CCDC120: variants seen among roughly 807,000 people sequenced by gnomAD.
The protein encoded by CCDC120 is coiled-coil domain-containing protein 120.
Under a neutral mutation model 37.6 loss-of-function variants are expected in CCDC120, and 16 were observed. The observed-to-expected ratio is 0.43, with a 90% CI of 0.29 to 0.65. The LOEUF is 0.65. Ranked by LOEUF, CCDC120 falls within the 30% of genes least tolerant of loss-of-function variation. The pLI, the probability that CCDC120 is intolerant of heterozygous loss-of-function variation, is 0.18. For synonymous variants in CCDC120, 309 were observed against 275.4 expected, an observed-to-expected ratio of 1.12 and a Z score of -1.21; for missense variants, 650 against 657.4, an observed-to-expected ratio of 0.99 and a Z score of 0.12.
chrX:49,059,272 G>A, intron 1 of CCDC120, 177 bp downstream of exon 1: 3 of 696,713 alleles, frequency 4.3e-6, no homozygotes, highest in Non-Finnish European at 5.1e-6. Context: ...TGGAGGGCCT[G>A]AGGACAGGGG....
rs1315688286 is a variant in CCDC120 at position 49,067,659 on chromosome X, G to T, written c.1545G>T (p.Gly515=). 1.7e-5 allele frequency: 20 copies of T among 1,200,710 alleles called. No individual in the cohort carries two copies. The East Asian group carries it at 6.0e-4, about 36-fold the overall frequency. ...EVPGPLSRRD[G]LLTMLPGPPP... The stretch of plus-strand genomic sequence containing the variant: ...CAGGACCCCTCTCCCGCCGGGATGG[G>T]CTCCTCACCATGCTCCCCGGCCCAC... Residue 515 remains glycine (G), a synonymous_variant, in exon 10 of 11, where the codon GGG becomes GGT. Coordinates refer to ENST00000603986, the MANE Select transcript of CCDC120 (RefSeq NM_001163321.4).
intron 4 of CCDC120, 140 bp from the exon 5 acceptor site, chrX:49,063,721 A>G: frequency 1.7e-6 from 1 of 601,398 alleles, no homozygotes; most frequent in South Asian, 3.6e-5. Context: ...AGATACTGGT[A>G]GGAGGGAGGG....
At chrX:49,059,381 C>T in intron 1 of CCDC120, 2 of 749,523 alleles carry the variant, frequency 2.7e-6, no homozygotes, top group South Asian at 6.8e-5. Flanking sequence ...TGAGTCCCCC[C>T]TTCTCCACCC....
chrX:49,061,963 G>T lies in CCDC120; in HGVS notation c.-79G>T. ...CCATTAATTCTCCTTCCCCAGGCAAGACTCGTGGCTGTGACCCATGGGCCT... is the reference window on the plus strand; with the variant it reads ...CCATTAATTCTCCTTCCCCAGGCAATACTCGTGGCTGTGACCCATGGGCCT... On this transcript the variant is annotated 5_prime_UTR_variant, in exon 2 of 11. Coordinates refer to ENST00000603986, the MANE Select transcript of CCDC120 (RefSeq NM_001163321.4). 3 of 1,131,830 alleles carry T rather than the reference G, an allele frequency of 2.7e-6. No individual in the cohort carries two copies. The highest frequency in any genetic ancestry group is 2.0e-5 in the South Asian group (1 of 48,845). 93.3% of individuals were successfully genotyped at this position (1,131,830 alleles called of 1,213,427 possible).
chrX:49,058,770 A>T (rs782810534), upstream of CCDC120, among the ~76,000 whole-genome samples: 65 of 112,043 alleles, frequency 5.8e-4, 1 homozygote, highest in Admixed American at 6.1e-3. Flanking sequence ...CAATCCTCCC[A>T]CCTCAGCCTC....
At chrX:49,066,895 G>T (rs782651280) in intron 9 of CCDC120, 25 of 326,755 alleles carry the variant, frequency 7.7e-5, no homozygotes, top group Middle Eastern at 8.5e-4. Context: ...TACTCTGCTA[G>T]CCTTTCCTCT....
rs2064928094 is a variant in CCDC120 at position 49,064,480 on chromosome X, C to T, written c.540C>T (p.Arg180=). 8.5e-7 allele frequency: 1 copy of T among 1,182,892 alleles called. No homozygotes were observed. Among genetic ancestry groups the T allele is most frequent in the Non-Finnish European group, 1.1e-6 (1 of 881,780 alleles). Residue 180 remains arginine (R), a synonymous_variant, in exon 6 of 11, where the codon CGC becomes CGT. Coordinates refer to ENST00000603986, the MANE Select transcript of CCDC120 (RefSeq NM_001163321.4). ...APDLSTEQRR[R]RRQVQADALR... is the part of the protein sequence containing the mutation. ...ATCTGAGCACCGAGCAGCGCCGGCGCCGGCGCCAGGTCCAGGCAGATGCAC... is the reference window on the plus strand; with the variant it reads ...ATCTGAGCACCGAGCAGCGCCGGCGTCGGCGCCAGGTCCAGGCAGATGCAC...
At position 49,069,491 on chromosome X, in the gene CCDC120, C is replaced by T. The variant is rs1362842817; in HGVS notation, c.*833C>T. The T allele has an allele frequency of 3.6e-5, 4 of 112,390 alleles. No individual in the cohort carries two copies. Among genetic ancestry groups the T allele is most frequent in the South Asian group, 3.6e-4 (1 of 2,762 alleles). 9.3% of individuals were successfully genotyped at this position (112,390 alleles called of 1,213,427 possible). ...CCTGGGTTCTCCTGCCTCACCCTCC[C>T]GAGTAGCTGGGATTACAGGCACACG... is the stretch of plus-strand genomic sequence containing the variant. On this transcript the variant is annotated 3_prime_UTR_variant, in exon 11 of 11. Coordinates refer to ENST00000603986, the MANE Select transcript of CCDC120 (RefSeq NM_001163321.4).
chrX:49,062,192 C>T, intron 2 of CCDC120, 43 bp from the exon 3 acceptor site: 1 of 1,184,274 alleles, frequency 8.4e-7, no homozygotes, highest in Non-Finnish European at 1.1e-6. Context: ...GTTGGGGTAT[C>T]ATGGGATGTG....
intron 9 of CCDC120, 64 bp downstream of exon 9, chrX:49,065,909 A>G: frequency 1.0e-6 from 1 of 1,004,748 alleles, no homozygotes; most frequent in Non-Finnish European, 1.4e-6. Flanking sequence ...TCTCACTGGA[A>G]GCTTGAGGAC....
Position 49,064,356 on chromosome X carries a change from G to T in CCDC120, c.430-14G>T. The T allele has an allele frequency of 8.7e-7, 1 of 1,153,484 alleles. No homozygotes were observed. Among genetic ancestry groups the T allele is most frequent in the South Asian group, 2.0e-5 (1 of 50,590 alleles). ...TGTTCCTGGCCATTTCCAACATTTG[G>T]GTGGGCCCAACAGGAGCTGGCTCTT... On this transcript the variant is annotated splice_polypyrimidine_tract_variant and intron_variant, in intron 5 of 10. Coordinates refer to ENST00000603986, the MANE Select transcript of CCDC120 (RefSeq NM_001163321.4).
In CCDC120 at chrX:49,065,531, G is replaced by A. The variant is rs782020199; in HGVS notation, c.865G>A (p.Gly289Arg). Residue 289 changes from glycine (G) to arginine (R), a missense_variant, in exon 8 of 11, where the codon GGG (glycine) becomes AGG (arginine). Around this residue, in one of 3 missense-constraint regions of CCDC120, gnomAD observed 576 missense variants for 565.3 expected, o/e 1.02. Transcript: ENST00000603986. ...TTGGGACCAGCTGCGGGCAGTATCT[G>A]GGGGGAGCCCTGAGCGGCGAACCCC... ...KAWDQLRAVSGGSPERRTPWK... is the reference protein window; with the variant it reads ...KAWDQLRAVSRGSPERRTPWK... 1 of 1,210,458 alleles carries A rather than the reference G, an allele frequency of 8.3e-7. No individual in the cohort carries two copies. The highest frequency in any genetic ancestry group is 1.1e-6 in the Non-Finnish European group (1 of 894,752).
In CCDC120 at chrX:49,068,552, C is replaced by T. The variant is rs17281237; in HGVS notation, c.1985C>T (p.Ala662Val). 60 of 1,141,061 alleles carry T rather than the reference C, an allele frequency of 5.3e-5. No individual in the cohort carries two copies. Among genetic ancestry groups the T allele is most frequent in the Middle Eastern group, 2.4e-4 (1 of 4,218 alleles). The allele number at this position is 1,141,061 out of a possible 1,213,427, so 94.0% of individuals were successfully genotyped here. Residue 662 changes from alanine (A) to valine (V), a missense_variant, in exon 11 of 11, where the codon GCG becomes GTG. Coordinates refer to ENST00000603986, the MANE Select transcript of CCDC120 (RefSeq NM_001163321.4). Reference protein sequence around the residue: ...TAPPVSGRYYADFLYPPELSA... With the variant: ...TAPPVSGRYYVDFLYPPELSA... ...TGCTACCCCTTCTAAAGATACTACG[C>T]GGACTTCCTGTATCCCCCGGAGCTG... is the stretch of plus-strand genomic sequence containing the variant.
chrX:49,054,299 T>G (rs782080200), upstream of CCDC120, among the ~76,000 whole-genome samples: 2 of 111,294 alleles, frequency 1.8e-5, no homozygotes, highest in Non-Finnish European at 3.8e-5. Flanking sequence ...TTCCCTAAAC[T>G]CTTATCCAGT....
chrX:49,066,224 C>T (rs1329640240), intron 9 of CCDC120, among the ~76,000 whole-genome samples: 27 of 110,059 alleles, frequency 2.5e-4, no homozygotes, highest in African/African-American at 8.9e-4. Context: ...AGCGAAACTC[C>T]GTCTCAAAAC....
chrX:49,059,388 A>G, intron 1 of CCDC120: 7 of 746,613 alleles, frequency 9.4e-6, no homozygotes, highest in Non-Finnish European at 1.1e-5. Context: ...CCCCTTCTCC[A>G]CCCTATCCCT....
chrX:49,064,337 T>C, intron 5 of CCDC120, 33 bp from the exon 6 acceptor site: 1 of 1,140,028 alleles, frequency 8.8e-7, no homozygotes, highest in Non-Finnish European at 1.2e-6. Context: ...TCCCTGTTCC[T>C]GGCCATTTCC....
In CCDC120 at chrX:49,065,810, T is replaced by G; in HGVS notation, c.1026T>G (p.Pro342=). The G allele has an allele frequency of 1.7e-6, 2 of 1,169,210 alleles. No homozygotes were observed. Among genetic ancestry groups the G allele is most frequent in the Non-Finnish European group, 2.3e-6 (2 of 873,820 alleles). The part of the protein sequence containing the change: ...SFEGRSVPAT[P]VLTRGAGPQL... ...AGGGGCGAAGTGTGCCTGCCACCCCTGTCCTCACCCGGGGCGCTGGCCCCC... is the reference window on the plus strand; with the variant it reads ...AGGGGCGAAGTGTGCCTGCCACCCCGGTCCTCACCCGGGGCGCTGGCCCCC... The change falls in exon 9 of 11, where the codon CCT becomes CCG. Residue 342 remains proline (P), a synonymous_variant. Coordinates refer to ENST00000603986, the MANE Select transcript of CCDC120 (RefSeq NM_001163321.4).
intron 1 of CCDC120, 113 bp downstream of exon 1, chrX:49,059,208 C>A (rs1336794322): frequency 4.4e-6 from 1 of 227,632 alleles, no homozygotes; most frequent in African/African-American, 3.1e-5. Context: ...GTGGGAGAGG[C>A]ACACCAACAA....
Sources: gnomAD v4.1 joint callset for allele counts (sites outside exome capture counted in the v4.1 genomes callset) on GRCh38, gnomAD v4.1.1 for gene constraint, gnomAD v4.1.1 regional missense constraint, MANE v1.5 for transcripts, NCBI Gene and HGNC (gene_info 2026-07-23, HGNC 2026-07-21) for gene names.